The following CASQ1 variants were observed in gnomAD, a reference collection of about 807,000 sequenced individuals.
CASQ1 encodes calsequestrin 1.
A neutral mutation model predicts 49.5 loss-of-function variants in CASQ1; 40 were observed. The ratio of observed to expected loss-of-function variants is 0.81; its 90% CI spans 0.63 to 1.05. CASQ1 has a LOEUF of 1.05. Ranked by LOEUF, CASQ1 falls within the 50% of genes least tolerant of loss-of-function variation. The pLI is 0.00. For missense variants in CASQ1, 469 were observed against 486.9 expected, an observed-to-expected ratio of 0.96 and a Z score of 0.35; for synonymous variants, 174 against 187.2, an observed-to-expected ratio of 0.93 and a Z score of 0.58.
intron 1 of CASQ1, among the ~76,000 whole-genome samples, chr1:160,192,241 C>A (rs1024292695): frequency 2.3e-4 from 35 of 152,058 alleles, no homozygotes; most frequent in African/African-American, 8.2e-4. Flanking sequence ...AGTCTCTCTC[C>A]CTCTGGGGGG....
intron 4 of CASQ1, 72 bp from the exon 5 acceptor site, chr1:160,195,389 G>A (rs1453097285): frequency 1.4e-6 from 2 of 1,394,880 alleles, no homozygotes; most frequent in East Asian, 2.3e-5. Flanking sequence ...AAGAATTGGG[G>A]ACGATAGTGG....
Position 160,195,990 on chromosome 1 carries a change from G to A in CASQ1, c.745G>A (p.Glu249Lys), listed in dbSNP as rs569001377. ...GACCATCCCAGACAAGCCCAATAGC[G>A]AAGAGGAGATTGTCAACTTCGTGGA... ...PVTIPDKPNS[E>K]EEIVNFVEEH... The change falls in exon 6 of 11, where the codon GAA becomes AAA. Residue 249 changes from glutamate (E) to lysine (K), a missense_variant. Physicochemically the swap from Glu to Lys is moderately conservative, Grantham distance 56 (BLOSUM62 1). Coordinates refer to ENST00000368078, the MANE Select transcript of CASQ1 (RefSeq NM_001231.5). The A allele has an allele frequency of 3.6e-5, 58 of 1,614,046 alleles. 1 individual carries two copies. Among genetic ancestry groups the A allele is most frequent in the African/African-American group, 2.9e-4 (22 of 75,026 alleles).
chr1:160,195,814 T>C, intron 5 of CASQ1, 83 bp from the exon 6 acceptor site: 3 of 1,431,356 alleles, frequency 2.1e-6, no homozygotes, highest in South Asian at 2.6e-5. Context: ...ACTCCCTTCC[T>C]AATATTTGTT....
Position 160,201,677 on chromosome 1 carries a change from A to C in CASQ1, c.*301A>C, listed in dbSNP as rs1654380417. 9.2e-6 allele frequency: 4 copies of C among 434,924 alleles called. No individual in the cohort carries two copies. The highest frequency in any genetic ancestry group is 1.7e-5 in the Non-Finnish European group (4 of 234,362). 26.9% of individuals were successfully genotyped at this position (434,924 alleles called of 1,614,324 possible). A position where few individuals can be genotyped will look rare whatever the true frequency, so the allele number is the denominator to read the frequency against. On this transcript the variant is annotated 3_prime_UTR_variant, in exon 11 of 11. Coordinates refer to ENST00000368078, the MANE Select transcript of CASQ1 (RefSeq NM_001231.5). Reference sequence around the variant, plus strand: ...ATACTCTTTCTTGTGATTCTCCTCTAGCCATATATATGGGCCCCATCTCTG... The same window carrying C: ...ATACTCTTTCTTGTGATTCTCCTCTCGCCATATATATGGGCCCCATCTCTG...
chr1:160,200,116 C>T (rs1300332995), intron 10 of CASQ1, among the ~76,000 whole-genome samples, 191 bp downstream of exon 10: 1 of 152,224 alleles, frequency 6.6e-6, no homozygotes, highest in East Asian at 1.9e-4. Flanking sequence ...ATCAGTGGCT[C>T]ATCCTTCAAG....
Position 160,201,572 on chromosome 1 carries a change from G to C in CASQ1, c.*196G>C. On this transcript the variant is annotated 3_prime_UTR_variant, in exon 11 of 11. Coordinates refer to ENST00000368078, the MANE Select transcript of CASQ1 (RefSeq NM_001231.5). ...TGAGCTACTTTTCCCTAGACACCAG[G>C]CCAGCTCTCTCTTATCTGACTTCTG... is the stretch of plus-strand genomic sequence containing the variant. 1.7e-6 allele frequency: 1 copy of C among 605,424 alleles called. No homozygotes were observed. The highest frequency in any genetic ancestry group is 2.9e-6 in the Non-Finnish European group (1 of 340,312). 37.5% of individuals were successfully genotyped at this position (605,424 alleles called of 1,614,324 possible).
intron 8 of CASQ1, 62 bp from the exon 9 acceptor site, chr1:160,198,891 G>A: frequency 8.2e-7 from 1 of 1,220,836 alleles, no homozygotes. Flanking sequence ...CTGCACTCCT[G>A]TTTCACCTGG....
chr1:160,196,624 C>T (rs1042894458), intron 6 of CASQ1, among the ~76,000 whole-genome samples: 25 of 152,154 alleles, frequency 1.6e-4, no homozygotes, highest in African/African-American at 5.3e-4. Flanking sequence ...ATTACAGGCA[C>T]GCCACCACAC....
chr1:160,196,618 C>T (rs765522900), intron 6 of CASQ1, among the ~76,000 whole-genome samples: 6 of 152,086 alleles, frequency 3.9e-5, no homozygotes, highest in South Asian at 2.1e-4. Context: ...GCTGGAATTA[C>T]AGGCACGCCA....
At chr1:160,197,235 C>T (rs375874431) in intron 6 of CASQ1, among the ~76,000 whole-genome samples, 7 of 152,232 alleles carry the variant, frequency 4.6e-5, no homozygotes, top group African/African-American at 1.7e-4. Flanking sequence ...ATGTACCCAG[C>T]ACCTAGCATA....
intron 6 of CASQ1, 107 bp from the exon 7 acceptor site, chr1:160,197,462 C>A: frequency 1.2e-6 from 1 of 804,248 alleles, no homozygotes; most frequent in Non-Finnish European, 2.2e-6. Flanking sequence ...AGGCTACAAG[C>A]TGTCTGTGCC....
intron 10 of CASQ1, 143 bp from the exon 11 acceptor site, chr1:160,201,102 C>G: frequency 4.7e-6 from 4 of 854,022 alleles, no homozygotes; most frequent in Non-Finnish European, 7.5e-6. Flanking sequence ...ATACCTTCAC[C>G]TGGACAGTTT....
chr1:160,193,271 G>A (rs966974639), intron 2 of CASQ1, among the ~76,000 whole-genome samples: 21 of 152,214 alleles, frequency 1.4e-4, no homozygotes, highest in African/African-American at 4.1e-4. Flanking sequence ...GCCACTAGGG[G>A]GCAGCACAGG....
rs1256837832 is a variant in CASQ1 at position 160,198,822 on chromosome 1, G to A, written c.883+91G>A. 8 of 1,322,694 alleles carry A rather than the reference G, an allele frequency of 6.0e-6. 1 individual carries two copies. The African/African-American group carries it at 7.2e-5, about 12-fold the overall frequency. 81.9% of individuals were successfully genotyped at this position (1,322,694 alleles called of 1,614,324 possible). Reference sequence around the variant, plus strand: ...ATGGGCCTCACTAGGAGGCTTTCCTGGGAGTTTGCAAACAGCCTAGGGCTA... The same window carrying A: ...ATGGGCCTCACTAGGAGGCTTTCCTAGGAGTTTGCAAACAGCCTAGGGCTA... On this transcript the variant is annotated intron_variant, in intron 8 of 10. Coordinates refer to ENST00000368078, the MANE Select transcript of CASQ1 (RefSeq NM_001231.5).
chr1:160,193,807 G>A lies in CASQ1; in HGVS notation c.425G>A (p.Gly142Asp). Reference sequence around the variant, plus strand: ...GGAGATGAAGTCATTGAGTACGATGGCGAGTTTTCTGCTGACACCATCGTG... The same window carrying A: ...GGAGATGAAGTCATTGAGTACGATGACGAGTTTTCTGCTGACACCATCGTG... Reference protein sequence around the residue: ...FKGDEVIEYDGEFSADTIVEF... With the variant: ...FKGDEVIEYDDEFSADTIVEF... The change falls in exon 3 of 11, where the codon GGC (glycine) becomes GAC (aspartate). Residue 142 changes from glycine (G) to aspartate (D), a missense_variant. Coordinates refer to ENST00000368078, the MANE Select transcript of CASQ1 (RefSeq NM_001231.5). The A allele has an allele frequency of 6.2e-7, 1 of 1,613,058 alleles. No homozygotes were observed. Among genetic ancestry groups the A allele is most frequent in the Non-Finnish European group, 8.5e-7 (1 of 1,179,332 alleles).
intron 1 of CASQ1, among the ~76,000 whole-genome samples, chr1:160,191,583 C>T (rs1047305966): frequency 6.6e-5 from 10 of 152,180 alleles, no homozygotes; most frequent in African/African-American, 2.4e-4. Flanking sequence ...CCCTAATTCC[C>T]CATTTGTCTC....
intron 9 of CASQ1, 73 bp from the exon 10 acceptor site, chr1:160,199,778 C>A (rs1198922824): frequency 1.9e-6 from 2 of 1,042,764 alleles, no homozygotes; most frequent in African/African-American, 1.6e-5. Flanking sequence ...CTGGGCTGAC[C>A]CTCACACTCA....
In CASQ1 at chr1:160,198,990, C is replaced by A. The variant is rs1316966168; in HGVS notation, c.921C>A (p.Ala307=). 2 of 1,613,482 alleles carry A rather than the reference C, an allele frequency of 1.2e-6. No individual in the cohort carries two copies. Among genetic ancestry groups the A allele is most frequent in the Non-Finnish European group, 1.7e-6 (2 of 1,179,434 alleles). ...TCTTAGAGACTCTCAAGGCTGTGGC[C>A]CAAGATAACACTGAAAACCCAGATC... ...FEFLETLKAV[A]QDNTENPDLS... Residue 307 remains alanine, a synonymous_variant, in exon 9 of 11, where the codon GCC becomes GCA. Coordinates refer to ENST00000368078, the MANE Select transcript of CASQ1 (RefSeq NM_001231.5).
In CASQ1 at chr1:160,190,802, G is replaced by A; in HGVS notation, c.51G>A (p.Leu17=). ...MGPRAVPGLR[L]ALLLLLVLGT... is the part of the protein sequence containing the mutation. The stretch of plus-strand genomic sequence containing the variant: ...CCAGAGCTGTGCCGGGTCTGCGGCT[G>A]GCACTGCTGTTGCTGCTGGTGCTAG... Residue 17 remains leucine, a synonymous_variant, in exon 1 of 11, where the codon CTG becomes CTA. Coordinates refer to ENST00000368078, the MANE Select transcript of CASQ1 (RefSeq NM_001231.5). The A allele has an allele frequency of 1.9e-6, 3 of 1,614,160 alleles. No individual in the cohort carries two copies. Among genetic ancestry groups the A allele is most frequent in the Non-Finnish European group, 2.5e-6 (3 of 1,180,006 alleles).
Sources: allele counts gnomAD v4.1 joint callset (sites outside exome capture counted in the v4.1 genomes callset), GRCh38; gene constraint gnomAD v4.1.1; transcripts MANE v1.5; gene names NCBI Gene and HGNC (gene_info 2026-07-23, HGNC 2026-07-21).